CDH6: variants seen among roughly 807,000 people sequenced by gnomAD.
The protein encoded by CDH6 is cadherin-6.
In CDH6, 31 loss-of-function variants were observed where a neutral mutation model predicts 78.0. The ratio of observed to expected loss-of-function variants is 0.40; its 90% CI spans 0.30 to 0.54. The LOEUF is 0.54. CDH6 is among the 20% of genes least tolerant of loss of function. The pLI is 0.56. For missense variants in CDH6, 724 were observed against 975.9 expected (o/e 0.74, Z 3.44); for synonymous variants, 376 against 368.8 (o/e 1.02, Z -0.23).
Position 31,323,290 on chromosome 5 carries a change from C to G in CDH6, c.2355C>G (p.Asp785Glu). ...KKLADMYGGV[D>E]SDKDS is the part of the protein sequence containing the mutation. ...TTGCAGATATGTATGGAGGAGTGGA[C>G]AGTGACAAAGACTCCTAATCTGTTG... Residue 785 changes from aspartate (D) to glutamate (E), a missense_variant, in exon 12 of 12, where the codon GAC becomes GAG. Around this residue, in one of 3 missense-constraint regions of CDH6, gnomAD observed 220 missense variants for 240.6 expected, o/e 0.91. Transcript: ENST00000265071. 6.2e-7 allele frequency: 1 copy of G among 1,609,650 alleles called. No individual in the cohort carries two copies. Among genetic ancestry groups the G allele is most frequent in the Non-Finnish European group, 8.5e-7 (1 of 1,176,190 alleles).
chr5:31,305,232 A>T lies in CDH6; in HGVS notation c.1058A>T (p.Tyr353Phe). ...YTLKVEASNP[Y>F]VEPRFLYLGP... ...CTTAAAGTGGAAGCCTCCAATCCTTATGTTGAGCCACGATTTCTCTACTTG... is the reference window on the plus strand; with the variant it reads ...CTTAAAGTGGAAGCCTCCAATCCTTTTGTTGAGCCACGATTTCTCTACTTG... The change falls in exon 7 of 12, where the codon TAT becomes TTT. Residue 353 changes from tyrosine (Y) to phenylalanine (F), a missense_variant. By Grantham distance (22) the Tyr-to-Phe change is conservative (BLOSUM62 3). Around this residue, in one of 3 missense-constraint regions of CDH6, gnomAD observed 446 missense variants for 684.5 expected, o/e 0.65. Transcript: ENST00000265071. The T allele has an allele frequency of 6.2e-7, 1 of 1,614,056 alleles. No homozygotes were observed. Among genetic ancestry groups the T allele is most frequent in the Non-Finnish European group, 8.5e-7 (1 of 1,179,982 alleles).
At chr5:31,280,089 C>A (rs1318995032) in intron 2 of CDH6, among the ~76,000 whole-genome samples, 1 of 152,058 alleles carries the variant, frequency 6.6e-6, no homozygotes, top group African/African-American at 2.4e-5. Context: ...GATAACGTGG[C>A]CATTGAAATC....
chr5:31,289,398 C>A (rs1303859791), intron 2 of CDH6, among the ~76,000 whole-genome samples: 1 of 152,046 alleles, frequency 6.6e-6, no homozygotes, highest in African/African-American at 2.4e-5. Flanking sequence ...TGGTTCCATG[C>A]CTTTGCTGTT....
intron 7 of CDH6, among the ~76,000 whole-genome samples, chr5:31,311,311 A>G (rs1738144214): frequency 6.6e-6 from 1 of 152,206 alleles, no homozygotes; most frequent in African/African-American, 2.4e-5. Context: ...CCTTTAATCC[A>G]GTTCCCAATA....
intron 1 of CDH6, among the ~76,000 whole-genome samples, chr5:31,200,110 GTTT>G (rs1234878683): frequency 6.6e-6 from 1 of 152,124 alleles, no homozygotes; most frequent in African/African-American, 2.4e-5. Flanking sequence ...TCAGGAAGAT[GTTT>G]TTAAGTTATT....
rs563969354 is a variant in CDH6 at position 31,312,505 on chromosome 5, C to T, written c.1254-813C>T. ...CTTGAGCTCAGGAGTTCAAGACCAG[C>T]CCGGGCAAAATGGCCAAATCCTGTC... On this transcript the variant is annotated intron_variant, in intron 7 of 11. Coordinates refer to ENST00000265071, the MANE Select transcript of CDH6 (RefSeq NM_004932.4). Among the ~76,000 whole-genome samples the T allele has an allele frequency of 2.0e-5, 3 of 152,302 alleles. No homozygotes were observed. In the South Asian group the frequency reaches 6.2e-4, roughly 32 times the overall value.
rs546268501 is a variant in CDH6 at position 31,243,929 on chromosome 5, G to A, written c.-128-23417G>A. On this transcript the variant is annotated intron_variant, in intron 1 of 11. Coordinates refer to ENST00000265071, the MANE Select transcript of CDH6 (RefSeq NM_004932.4). ...TATAAATACTATTTTTAAAGGAAAAGTTCATGATGTGAATTTGAGACAGTT... is the reference window on the plus strand; with the variant it reads ...TATAAATACTATTTTTAAAGGAAAAATTCATGATGTGAATTTGAGACAGTT... 3.3e-5 allele frequency among the ~76,000 whole-genome samples: 5 copies of A among 152,260 alleles called. No individual in the cohort carries two copies. In the East Asian group the frequency reaches 9.6e-4, roughly 29 times the overall value.
At chr5:31,199,240 CAT>C (rs1386655471) in intron 1 of CDH6, among the ~76,000 whole-genome samples, 5 of 151,388 alleles carry the variant, frequency 3.3e-5, no homozygotes. Flanking sequence ...CACACACACA[CAT>C]ATGTGTATAT....
At chr5:31,273,426 G>T (rs139432411) in intron 2 of CDH6, among the ~76,000 whole-genome samples, 2 of 152,154 alleles carry the variant, frequency 1.3e-5, no homozygotes, top group East Asian at 3.9e-4. Context: ...GCTTCAAGTG[G>T]GTTATCTCGT....
At chr5:31,297,546 G>A (rs1737644330) in intron 4 of CDH6, 138 bp downstream of exon 4, 3 of 596,694 alleles carry the variant, frequency 5.0e-6, no homozygotes, top group Non-Finnish European at 8.5e-6. Flanking sequence ...TGATATATTT[G>A]TAAACATGAC....
In CDH6 at chr5:31,297,420, T is replaced by C. The variant is rs777302755; in HGVS notation, c.643+12T>C. On this transcript the variant is annotated intron_variant, in intron 4 of 11. Transcript: ENST00000265071. ...TGAATCAGAAACAGGTTAGACTTTT[T>C]GATCTTCCTTTTTATAATCTATAAT... The C allele has an allele frequency of 6.3e-7, 1 of 1,579,816 alleles. No homozygotes were observed. Among genetic ancestry groups the C allele is most frequent in the Admixed American group, 1.8e-5 (1 of 54,058 alleles).
At chr5:31,311,528 T>C (rs1462575954) in intron 7 of CDH6, among the ~76,000 whole-genome samples, 3 of 152,230 alleles carry the variant, frequency 2.0e-5, no homozygotes, top group Non-Finnish European at 2.9e-5. Flanking sequence ...GCTATCTTTA[T>C]AGCAGTCCCC....
chr5:31,292,054 C>A (rs1400500249), intron 2 of CDH6, among the ~76,000 whole-genome samples: 1 of 152,174 alleles, frequency 6.6e-6, no homozygotes, highest in Non-Finnish European at 1.5e-5. Context: ...ATCTATAAAG[C>A]CTCTTCCTGC....
At chr5:31,202,063 G>A (rs896758577) in intron 1 of CDH6, among the ~76,000 whole-genome samples, 10 of 151,986 alleles carry the variant, frequency 6.6e-5, no homozygotes, top group African/African-American at 1.7e-4. Flanking sequence ...TCTATAAGCC[G>A]GAACAAACAC....
chr5:31,279,530 A>G (rs1380281887), intron 2 of CDH6, among the ~76,000 whole-genome samples: 1 of 152,156 alleles, frequency 6.6e-6, no homozygotes, highest in East Asian at 1.9e-4. Context: ...AGATCATGCC[A>G]CTGCACTCTA....
chr5:31,322,424 T>A (rs969493866), intron 11 of CDH6, among the ~76,000 whole-genome samples: 2 of 152,204 alleles, frequency 1.3e-5, no homozygotes, highest in Non-Finnish European at 2.9e-5. Context: ...GCCAGTCTTG[T>A]CCTTGTAACC....
At chr5:31,194,217 C>T (rs1488717948) in intron 1 of CDH6, among the ~76,000 whole-genome samples, 2 of 152,194 alleles carry the variant, frequency 1.3e-5, no homozygotes, top group South Asian at 2.1e-4. Flanking sequence ...CTGCCTTTCT[C>T]TACGCCGGCA....
chr5:31,234,038 A>G lies in CDH6; in HGVS notation c.-128-33308A>G, dbSNP rs983061852. ...AAATGAAAAATTGTGATAATAGTCT[A>G]TATCTCAAATACATTTTTTTCATAA... On this transcript the variant is annotated intron_variant, in intron 1 of 11. Coordinates refer to ENST00000265071, the MANE Select transcript of CDH6 (RefSeq NM_004932.4). Among the ~76,000 whole-genome samples the G allele has an allele frequency of 5.5e-5, 4 of 73,102 alleles. No individual in the cohort carries two copies. The Admixed American group carries it at 7.2e-4, about 13-fold the overall frequency. 48.0% of individuals were successfully genotyped at this position (73,102 alleles called of 152,430 possible).
At chr5:31,239,180 T>A (rs1354324243) in intron 1 of CDH6, among the ~76,000 whole-genome samples, 2 of 152,144 alleles carry the variant, frequency 1.3e-5, no homozygotes, top group Non-Finnish European at 2.9e-5. Context: ...AGTAGGAGAA[T>A]CATAGAATTT....
Sources: allele counts gnomAD v4.1 joint callset (sites outside exome capture counted in the v4.1 genomes callset), GRCh38; gene constraint gnomAD v4.1.1; regional missense constraint gnomAD v4.1.1; transcripts MANE v1.5; gene names NCBI Gene and HGNC (gene_info 2026-07-23, HGNC 2026-07-21).